The following PSMD1 variants were observed in gnomAD, a reference collection of about 807,000 sequenced individuals.
PSMD1 encodes proteasome 26S subunit, non-ATPase 1.
PSMD1 carries 18 observed loss-of-function variants against 119.0 expected under a neutral mutation model. That is an observed-to-expected ratio of 0.15 (90% confidence interval 0.10 to 0.22). The LOEUF is 0.22. Ranked by LOEUF, PSMD1 falls within the 10% of genes least tolerant of loss-of-function variation. The pLI is 1.00. For synonymous variants in PSMD1, 374 were observed against 396.6 expected (o/e 0.94, Z 0.68); for missense variants, 702 against 1,158.5 (o/e 0.61, Z 5.72).
At chr2:231,113,145 C>T (rs1429971847) in intron 16 of PSMD1, among the ~76,000 whole-genome samples, 1 of 152,064 alleles carries the variant, frequency 6.6e-6, no homozygotes, top group East Asian at 1.9e-4. Context: ...GCCTGGGTGA[C>T]AGAGCAAGAC....
At chr2:231,089,376 A>G (rs1475181765) in intron 16 of PSMD1, among the ~76,000 whole-genome samples, 1 of 152,208 alleles carries the variant, frequency 6.6e-6, no homozygotes, top group African/African-American at 2.4e-5. Flanking sequence ...AGGAGAAGTC[A>G]ATTCCTGGTT....
At chr2:231,066,375 A>G (rs1693911207) in intron 4 of PSMD1, among the ~76,000 whole-genome samples, 1 of 152,236 alleles carries the variant, frequency 6.6e-6, no homozygotes, top group Non-Finnish European at 1.5e-5. Context: ...CCGATATACT[A>G]CTATGTGATA....
chr2:231,113,862 G>T, intron 16 of PSMD1: 12 of 1,614,058 alleles, frequency 7.4e-6, no homozygotes, highest in Non-Finnish European at 6.8e-6. Flanking sequence ...TGATGGATGC[G>T]GTTGAAAAGA....
Position 231,126,807 on chromosome 2 carries a change from C to T in PSMD1, c.1884-11929C>T, listed in dbSNP as rs139412684. ...TTAAGTCTGTTTAATGTCTAAGGAA[C>T]GTAACTAGTTAGAACAGCTACTTAT... On this transcript the variant is annotated intron_variant, in intron 16 of 24. Transcript: ENST00000308696. 6.5e-3 allele frequency among the ~76,000 whole-genome samples: 988 copies of T among 151,690 alleles called. 9 individuals are homozygous for T. Among genetic ancestry groups the T allele is most frequent in the African/African-American group, 0.023 (936 of 41,374 alleles).
At chr2:231,143,666 G>A (rs186797217) in intron 17 of PSMD1, among the ~76,000 whole-genome samples, 5 of 152,224 alleles carry the variant, frequency 3.3e-5, no homozygotes, top group Admixed American at 1.3e-4. Flanking sequence ...TTATAATAAG[G>A]CATCCTAGAA....
chr2:231,160,194 GGTTAA>G (rs1480714777), intron 19 of PSMD1, among the ~76,000 whole-genome samples: 7 of 152,314 alleles, frequency 4.6e-5, no homozygotes, highest in African/African-American at 1.7e-4. Context: ...TAGGGTTAGA[GGTTAA>G]GTTTTCTTTT....
At chr2:231,140,370 C>T (rs987274061) in intron 17 of PSMD1, among the ~76,000 whole-genome samples, 10 of 151,722 alleles carry the variant, frequency 6.6e-5, no homozygotes, top group African/African-American at 2.4e-4. Context: ...GTGGCACACG[C>T]CTGTAACCCC....
chr2:231,106,622 A>G (rs1694981948), intron 16 of PSMD1, among the ~76,000 whole-genome samples: 1 of 152,192 alleles, frequency 6.6e-6, no homozygotes, highest in Non-Finnish European at 1.5e-5. Context: ...TGTCTCAAAA[A>G]AAGAAAAAAA....
chr2:231,060,795 T>A (rs886845754), intron 1 of PSMD1, among the ~76,000 whole-genome samples: 1 of 152,234 alleles, frequency 6.6e-6, no homozygotes, highest in Non-Finnish European at 1.5e-5. Flanking sequence ...TTGTAAATAA[T>A]CTTATAACTG....
chr2:231,076,344 T>C (rs1694166421), intron 8 of PSMD1, among the ~76,000 whole-genome samples: 1 of 152,112 alleles, frequency 6.6e-6, no homozygotes, highest in African/African-American at 2.4e-5. Context: ...CTTCACCTGG[T>C]TGGAAAGTTG....
intron 23 of PSMD1, among the ~76,000 whole-genome samples, chr2:231,168,253 T>C (rs1696833720): frequency 6.6e-6 from 1 of 152,228 alleles, no homozygotes; most frequent in African/African-American, 2.4e-5. Flanking sequence ...AAAAAGAATT[T>C]GGCAGTTCCT....
chr2:231,163,831 C>G lies in PSMD1; in HGVS notation c.2481+104C>G, dbSNP rs1696695068. On this transcript the variant is annotated intron_variant, in intron 21 of 24. Coordinates refer to ENST00000308696, the MANE Select transcript of PSMD1 (RefSeq NM_002807.4). Reference sequence around the variant, plus strand: ...CTTTTATGTTTTAAAAGTAACACTTCTTATGCTAACATTTGACATTACACA... The same window carrying G: ...CTTTTATGTTTTAAAAGTAACACTTGTTATGCTAACATTTGACATTACACA... The G allele has an allele frequency of 3.8e-5, 30 of 793,258 alleles. 1 individual carries two copies. The South Asian group carries it at 5.4e-4, about 14-fold the overall frequency. 49.1% of individuals were successfully genotyped at this position (793,258 alleles called of 1,614,324 possible).
intron 9 of PSMD1, among the ~76,000 whole-genome samples, chr2:231,077,760 C>T (rs534055864): frequency 1.3e-5 from 2 of 152,206 alleles, no homozygotes; most frequent in Admixed American, 6.5e-5. Flanking sequence ...TCTTCCTTCT[C>T]GCTCTCTTAT....
intron 8 of PSMD1, among the ~76,000 whole-genome samples, chr2:231,076,612 C>G (rs1467462520): frequency 1.3e-5 from 2 of 152,054 alleles, no homozygotes; most frequent in Non-Finnish European, 2.9e-5. Flanking sequence ...CAAGATTGCA[C>G]CACTGCACCC....
In PSMD1 at chr2:231,138,800, T is replaced by G; in HGVS notation, c.1948T>G (p.Tyr650Asp). ...AGAGAGTTACAACCCTCATGTGCGC[T>G]ACGGAGCTGCAATGGCCTTGGGGAT... is the stretch of plus-strand genomic sequence containing the variant. The part of the protein sequence containing the change: ...LSESYNPHVR[Y>D]GAAMALGICC... The change falls in exon 17 of 25, where the codon TAC (tyrosine) becomes GAC (aspartate). Residue 650 changes from tyrosine (Y) to aspartate (D), a missense_variant. Physicochemically the swap from Tyr to Asp is radical, Grantham distance 160. Coordinates refer to ENST00000308696, the MANE Select transcript of PSMD1 (RefSeq NM_002807.4). 6.2e-7 allele frequency: 1 copy of G among 1,614,188 alleles called. No homozygotes were observed.
intron 17 of PSMD1, among the ~76,000 whole-genome samples, chr2:231,139,568 A>AAC (rs1269885218): frequency 6.7e-6 from 1 of 148,830 alleles, no homozygotes; most frequent in Non-Finnish European, 1.5e-5. Flanking sequence ...TAAAAAAAAA[A>AAC]AAAAAAAGAA....
chr2:231,098,463 CTCTT>C (rs1694779384), intron 16 of PSMD1, among the ~76,000 whole-genome samples: 1 of 151,384 alleles, frequency 6.6e-6, no homozygotes, highest in Admixed American at 6.6e-5. Flanking sequence ...CTCTCTCTGT[CTCTT>C]TCTCTCTCTC....
intron 16 of PSMD1, among the ~76,000 whole-genome samples, chr2:231,105,257 A>T (rs890452995): frequency 2.0e-5 from 3 of 152,236 alleles, no homozygotes; most frequent in African/African-American, 7.2e-5. Flanking sequence ...ATTGAAATGA[A>T]CATAGTACAT....
intron 21 of PSMD1, among the ~76,000 whole-genome samples, chr2:231,164,452 T>A (rs1056588404): frequency 2.0e-5 from 3 of 152,190 alleles, no homozygotes; most frequent in African/African-American, 7.2e-5. Flanking sequence ...CTTTTTTTGA[T>A]ACCTTATATA....
Sources: gnomAD v4.1 joint callset for allele counts (sites outside exome capture counted in the v4.1 genomes callset) on GRCh38, gnomAD v4.1.1 for gene constraint, MANE v1.5 for transcripts, NCBI Gene and HGNC (gene_info 2026-07-23, HGNC 2026-07-21) for gene names.